The following BRINP3 variants were observed in gnomAD, a reference collection of about 807,000 sequenced individuals.
BRINP3 encodes the protein BMP/retinoic acid inducible neural specific 3, also known as BMP/retinoic acid-inducible neural-specific protein 3.
A neutral mutation model predicts 71.0 loss-of-function variants in BRINP3; 19 were observed. That is an observed-to-expected ratio of 0.27 (90% CI 0.19 to 0.39). The LOEUF (loss-of-function observed/expected upper bound fraction) is 0.39. Among genes scored for constraint, BRINP3 ranks in the 10% least tolerant of loss-of-function variants. The pLI is 1.00. For synonymous variants in BRINP3, 380 were observed against 337.7 expected (o/e 1.13, Z -1.37); for missense variants, 959 against 940.8 (o/e 1.02, Z -0.25).
intron 2 of BRINP3, among the ~76,000 whole-genome samples, chr1:190,432,011 A>G (rs1396676925): frequency 6.6e-6 from 1 of 152,186 alleles, no homozygotes; most frequent in Admixed American, 6.6e-5. Flanking sequence ...TAAAAGGACT[A>G]TACTAAAGGT....
intron 2 of BRINP3, among the ~76,000 whole-genome samples, chr1:190,446,663 C>CA: frequency 6.6e-6 from 1 of 151,964 alleles, no homozygotes; most frequent in East Asian, 1.9e-4. Context: ...TTTTGATATC[C>CA]AAAAAATTGA....
chr1:190,240,610 A>G (rs1319478309), intron 4 of BRINP3, among the ~76,000 whole-genome samples: 1 of 151,826 alleles, frequency 6.6e-6, no homozygotes, highest in African/African-American at 2.4e-5. Flanking sequence ...TTGCTCAAGC[A>G]TGTAATCCCA....
chr1:190,356,494 C>T (rs940881198), intron 2 of BRINP3, among the ~76,000 whole-genome samples: 4 of 152,008 alleles, frequency 2.6e-5, no homozygotes, highest in Non-Finnish European at 4.4e-5. Context: ...TAACAAATTA[C>T]TAGAAACTTG....
intron 7 of BRINP3, among the ~76,000 whole-genome samples, chr1:190,156,252 T>A (rs1434512723): frequency 6.6e-6 from 1 of 152,096 alleles, no homozygotes; most frequent in Non-Finnish European, 1.5e-5. Context: ...AAATATCTTA[T>A]TGGTGGAGAT....
At chr1:190,397,728 T>G (rs1018089922) in intron 2 of BRINP3, among the ~76,000 whole-genome samples, 1 of 151,956 alleles carries the variant, frequency 6.6e-6, no homozygotes, top group Non-Finnish European at 1.5e-5. Flanking sequence ...TAAGGGCATA[T>G]TTGATTATGC....
At chr1:190,320,526 T>C (rs182148029) in intron 2 of BRINP3, among the ~76,000 whole-genome samples, 5 of 152,248 alleles carry the variant, frequency 3.3e-5, no homozygotes, top group Admixed American at 2.6e-4. Context: ...AATTTGTATT[T>C]ATTCATTCAT....
chr1:190,347,420 A>G (rs953502156), intron 2 of BRINP3, among the ~76,000 whole-genome samples: 1 of 152,086 alleles, frequency 6.6e-6, no homozygotes, highest in Admixed American at 6.6e-5. Flanking sequence ...GATTACAGGC[A>G]TGAGCCACCG....
At chr1:190,308,356 A>C (rs1009663047) in intron 2 of BRINP3, among the ~76,000 whole-genome samples, 4 of 151,782 alleles carry the variant, frequency 2.6e-5, no homozygotes, top group African/African-American at 9.7e-5. Context: ...TGATTGTGTA[A>C]GTATTGTTGT....
At chr1:190,293,434 T>C (rs1324225127) in intron 2 of BRINP3, among the ~76,000 whole-genome samples, 1 of 152,156 alleles carries the variant, frequency 6.6e-6, no homozygotes, top group East Asian at 1.9e-4. Context: ...GTTTTGTGTC[T>C]TTACATATCA....
intron 2 of BRINP3, chr1:190,361,967 A>T (rs1313460004): frequency 1.3e-5 from 2 of 152,090 alleles, no homozygotes; most frequent in Non-Finnish European, 2.9e-5. Context: ...GTTAGATGAG[A>T]TCATGAGCTT....
chr1:190,145,378 C>T lies in BRINP3; in HGVS notation c.1184+15290G>A, dbSNP rs181213280. On this transcript the variant is annotated intron_variant, in intron 7 of 7. Coordinates refer to ENST00000367462, the MANE Select transcript of BRINP3 (RefSeq NM_199051.3). ...TCTTTATCAATTAAGGCATTTGTAA[C>T]TATGATCTTTATTTTGAGTCTAGAA... Among the ~76,000 whole-genome samples, 232 of 152,246 alleles carry T rather than the reference C, an allele frequency of 1.5e-3. 1 individual carries two copies. Among genetic ancestry groups the T allele is most frequent in the African/African-American group, 5.2e-3 (215 of 41,548 alleles).
At chr1:190,291,262 A>G (rs1663843822) in intron 2 of BRINP3, among the ~76,000 whole-genome samples, 1 of 152,046 alleles carries the variant, frequency 6.6e-6, no homozygotes, top group South Asian at 2.1e-4. Flanking sequence ...AATAGGTGAT[A>G]TAGTATAGTC....
intron 2 of BRINP3, among the ~76,000 whole-genome samples, chr1:190,331,689 A>G (rs942545996): frequency 4.6e-5 from 7 of 152,030 alleles, no homozygotes; most frequent in Admixed American, 4.6e-4. Context: ...ATGGGATTAT[A>G]CATCAGAGCA....
intron 6 of BRINP3, among the ~76,000 whole-genome samples, chr1:190,178,567 T>TA (rs1466614790): frequency 6.6e-6 from 1 of 152,150 alleles, no homozygotes; most frequent in Admixed American, 6.6e-5. Flanking sequence ...ATGTTGATGC[T>TA]AAAAACCTGA....
chr1:190,237,055 C>T (rs1194663442), intron 4 of BRINP3, among the ~76,000 whole-genome samples: 1 of 151,868 alleles, frequency 6.6e-6, no homozygotes, highest in African/African-American at 2.4e-5. Context: ...TATTCACCTA[C>T]TCTGTTGTTG....
intron 6 of BRINP3, among the ~76,000 whole-genome samples, chr1:190,181,149 C>G (rs1032780295): frequency 2.0e-5 from 3 of 152,052 alleles, no homozygotes; most frequent in Non-Finnish European, 4.4e-5. Flanking sequence ...CACATGAAAT[C>G]AGACAATACA....
chr1:190,104,809 C>G (rs1273248750), intron 7 of BRINP3, among the ~76,000 whole-genome samples: 1 of 152,024 alleles, frequency 6.6e-6, no homozygotes, highest in African/African-American at 2.4e-5. Context: ...TAAATCTGCT[C>G]TGAGCAGTAA....
intron 2 of BRINP3, among the ~76,000 whole-genome samples, chr1:190,421,666 A>T (rs905906335): frequency 6.6e-6 from 1 of 151,722 alleles, no homozygotes; most frequent in Non-Finnish European, 1.5e-5. Context: ...TGTAGTTGCT[A>T]TGTGATAGAT....
At chr1:190,249,686 G>A (rs922043135) in intron 4 of BRINP3, among the ~76,000 whole-genome samples, 4 of 151,780 alleles carry the variant, frequency 2.6e-5, no homozygotes, top group South Asian at 2.1e-4. Context: ...ATGTGAACGC[G>A]TTTGAGAATT....
Sources: allele counts gnomAD v4.1 joint callset (sites outside exome capture counted in the v4.1 genomes callset), GRCh38; gene constraint gnomAD v4.1.1; transcripts MANE v1.5; gene names NCBI Gene and HGNC (gene_info 2026-07-23, HGNC 2026-07-21).